The following MLXIP variants were observed in gnomAD, a reference collection of about 807,000 sequenced individuals.
MLXIP encodes MLX-interacting protein.
Under a neutral mutation model 87.2 loss-of-function variants are expected in MLXIP, and 30 were observed. That is an observed-to-expected ratio of 0.34 (90% confidence interval 0.26 to 0.47). The LOEUF is 0.47. MLXIP is among the 20% of genes least tolerant of loss of function. The pLI, the probability that MLXIP is intolerant of heterozygous loss-of-function variation, is 1.00. For missense variants in MLXIP, 1,002 were observed against 1,240.1 expected, an observed-to-expected ratio of 0.81 and a Z score of 2.88; for synonymous variants, 530 against 514.0, an observed-to-expected ratio of 1.03 and a Z score of -0.42.
At chr12:122,106,692 C>T (rs1350169970) in intron 1 of MLXIP, among the ~76,000 whole-genome samples, 2 of 150,786 alleles carry the variant, frequency 1.3e-5, no homozygotes, top group Admixed American at 6.6e-5. Context: ...ACCTCCGCCT[C>T]CCGGGTTCAA....
At chr12:122,114,737 CTT>C (rs1278951793) in intron 1 of MLXIP, among the ~76,000 whole-genome samples, 45 of 121,002 alleles carry the variant, frequency 3.7e-4, no homozygotes, top group Admixed American at 9.8e-4. Context: ...AAGGTGACTT[CTT>C]TTTTTTTTTT....
intron 1 of MLXIP, among the ~76,000 whole-genome samples, chr12:122,099,502 C>T (rs748741530): frequency 4.6e-5 from 7 of 152,236 alleles, no homozygotes; most frequent in African/African-American, 9.6e-5. Flanking sequence ...GACATGAGAC[C>T]GCCTGCTGTG....
chr12:122,127,779 T>A, intron 2 of MLXIP, 104 bp from the exon 3 acceptor site: 1 of 839,778 alleles, frequency 1.2e-6, no homozygotes, highest in Non-Finnish European at 2.0e-6. Flanking sequence ...AAGGAAAGGG[T>A]ACCTGGGAAT....
chr12:122,111,839 T>G (rs1952610378), intron 1 of MLXIP, among the ~76,000 whole-genome samples: 1 of 152,232 alleles, frequency 6.6e-6, no homozygotes, highest in African/African-American at 2.4e-5. Context: ...TTAAGTAGTG[T>G]AAGTAGAATA....
chr12:122,132,810 G>A (rs897239568), intron 8 of MLXIP: 3 of 178,184 alleles, frequency 1.7e-5, no homozygotes, highest in African/African-American at 4.7e-5. Flanking sequence ...TTGTCCTTAC[G>A]GAGCCCTCAT....
Position 122,078,833 on chromosome 12 carries a change from G to A in MLXIP, c.-21G>A, listed in dbSNP as rs1352497007. The stretch of plus-strand genomic sequence containing the variant: ...CGCGTTGCCCCGGGCTCCGGGGGAT[G>A]CCCCCGGCCGAGCCCTTCTCATGGC... On this transcript the variant is annotated 5_prime_UTR_variant, in exon 1 of 17. An upstream start codon of the reference 5' UTR is lost. Coordinates refer to ENST00000319080, the MANE Select transcript of MLXIP (RefSeq NM_014938.6). The A allele has an allele frequency of 9.5e-7, 1 of 1,055,332 alleles. No homozygotes were observed. The highest frequency in any genetic ancestry group is 1.1e-6 in the Non-Finnish European group (1 of 875,960). 65.4% of individuals were successfully genotyped at this position (1,055,332 alleles called of 1,614,324 possible).
intron 1 of MLXIP, among the ~76,000 whole-genome samples, chr12:122,093,294 T>C (rs1010751292): frequency 9.6e-5 from 14 of 145,696 alleles, no homozygotes; most frequent in African/African-American, 3.6e-4. Context: ...TGTCTGTATG[T>C]AGTGTGTGTG....
chr12:122,090,841 C>T (rs2135904299), intron 1 of MLXIP, among the ~76,000 whole-genome samples: 1 of 152,280 alleles, frequency 6.6e-6, no homozygotes, highest in African/African-American at 2.4e-5. Flanking sequence ...GGAAACGCTG[C>T]ACTAGGTGAA....
intron 1 of MLXIP, among the ~76,000 whole-genome samples, chr12:122,116,992 G>A (rs1028854472): frequency 2.0e-5 from 3 of 152,308 alleles, no homozygotes; most frequent in Admixed American, 6.5e-5. Flanking sequence ...GGCACATCTT[G>A]CCTGGTATCC....
intron 1 of MLXIP, among the ~76,000 whole-genome samples, chr12:122,088,264 C>T (rs1211664641): frequency 3.9e-5 from 6 of 152,162 alleles, no homozygotes; most frequent in African/African-American, 7.2e-5. Flanking sequence ...GCATCTCCTG[C>T]GGGCTGTTTC....
chr12:122,092,198 A>G (rs759885670), intron 1 of MLXIP, among the ~76,000 whole-genome samples: 1 of 151,864 alleles, frequency 6.6e-6, no homozygotes, highest in Non-Finnish European at 1.5e-5. Context: ...CCTGGGCTCA[A>G]ACTGTCCTCC....
At position 122,107,335 on chromosome 12, in the gene MLXIP, G is replaced by T. The variant is rs557540288; in HGVS notation, c.414-19921G>T. Reference sequence around the variant, plus strand: ...GGGATGCATTTGCATTTTCCTGGATGTACCTAATCTCACAGCTCTGGTGCT... The same window carrying T: ...GGGATGCATTTGCATTTTCCTGGATTTACCTAATCTCACAGCTCTGGTGCT... On this transcript the variant is annotated intron_variant, in intron 1 of 16. Transcript: ENST00000319080. Among the ~76,000 whole-genome samples the T allele has an allele frequency of 5.9e-5, 9 of 152,262 alleles. No homozygotes were observed. In the South Asian group the frequency reaches 1.9e-3, roughly 32 times the overall value.
chr12:122,096,336 G>A (rs1469080396), intron 1 of MLXIP, among the ~76,000 whole-genome samples: 2 of 151,266 alleles, frequency 1.3e-5, no homozygotes, highest in Non-Finnish European at 1.5e-5. Context: ...AGAATATTTC[G>A]CTGGTGTTTT....
chr12:122,135,841 G>A lies in MLXIP; in HGVS notation c.2032+175G>A. ...CTGGGAACACGCTCTGTGGGTGGCA[G>A]GATGAAATGTGGTGGCACTGGCAGG... On this transcript the variant is annotated intron_variant, in intron 11 of 16. Coordinates refer to ENST00000319080, the MANE Select transcript of MLXIP (RefSeq NM_014938.6). This position sits in a 1 kb window ranked among gnomAD's most constrained non-coding sequence, Gnocchi z 5.3. The A allele has an allele frequency of 1.2e-6, 1 of 813,212 alleles. No homozygotes were observed. Among genetic ancestry groups the A allele is most frequent in the Non-Finnish European group, 1.8e-6 (1 of 555,706 alleles). 50.4% of individuals were successfully genotyped at this position (813,212 alleles called of 1,614,324 possible).
chr12:122,140,906 T>C (rs780391705), intron 15 of MLXIP, 48 bp from the exon 16 acceptor site: 1 of 1,613,758 alleles, frequency 6.2e-7, no homozygotes, highest in Admixed American at 1.7e-5. Flanking sequence ...GGGTCTGCAG[T>C]CCCCAGCCCC....
Position 122,104,575 on chromosome 12 carries a change from CTTTTTTTTTTTTTT to C in MLXIP, c.414-22672_414-22659del, listed in dbSNP as rs751931978. On this transcript the variant is annotated intron_variant, in intron 1 of 16. Coordinates refer to ENST00000319080, the MANE Select transcript of MLXIP (RefSeq NM_014938.6). ...TTTGGCTTTACCATAATTACCTTTT[CTTTTTTTTTTTTTT>C]TTTTTTTTGAGACGGAGTCTCACTG... Among the ~76,000 whole-genome samples, 124 of 91,334 alleles carry C rather than the reference CTTTTTTTTTTTTTT, an allele frequency of 1.4e-3. No homozygotes were observed. In the East Asian group the frequency reaches 0.038, roughly 28 times the overall value. The allele number at this position is 91,334 out of a possible 152,430, so 59.9% of individuals were successfully genotyped here.
At chr12:122,110,716 A>G (rs895357653) in intron 1 of MLXIP, among the ~76,000 whole-genome samples, 4 of 151,542 alleles carry the variant, frequency 2.6e-5, no homozygotes. Flanking sequence ...GGCTGCAGTG[A>G]GCTATGATCA....
At chr12:122,109,486 A>G (rs28622891) in intron 1 of MLXIP, among the ~76,000 whole-genome samples, 24,767 of 152,254 alleles carry the variant, frequency 0.16, 2,479 homozygotes, top group East Asian at 0.26. Context: ...GCCTGGCCCA[A>G]ATTGTTGCTT....
chr12:122,135,695 GGCATC>G lies in MLXIP; in HGVS notation c.2032+33_2032+37del. 1 of 1,460,900 alleles carries G rather than the reference GGCATC, an allele frequency of 6.8e-7. No homozygotes were observed. The highest frequency in any genetic ancestry group is 9.0e-7 in the Non-Finnish European group (1 of 1,107,492). 90.5% of individuals were successfully genotyped at this position (1,460,900 alleles called of 1,614,324 possible). A position where few individuals can be genotyped will look rare whatever the true frequency, so the allele number is the denominator to read the frequency against. ...AGTGTTCACTCGGCGGGATGGTTGG[GGCATC>G]GCAAGGGAAGTAACTGGGCCTGCCG... On this transcript the variant is annotated intron_variant, in intron 11 of 16. Transcript: ENST00000319080. The surrounding 1 kb of genome is among the most constrained non-coding windows in gnomAD (Gnocchi z 5.3).
Sources: gnomAD v4.1 joint callset for allele counts (sites outside exome capture counted in the v4.1 genomes callset) on GRCh38, gnomAD v4.1.1 for gene constraint, Gnocchi (gnomAD v3.1) non-coding constraint, MANE v1.5 for transcripts, NCBI Gene and HGNC (gene_info 2026-07-23, HGNC 2026-07-21) for gene names.